Variants in NCAN observed in about 807,000 individuals in gnomAD.
NCAN encodes the protein neurocan.
In NCAN, 47 loss-of-function variants were observed where a neutral mutation model predicts 121.8. The observed-to-expected ratio is 0.39, with a 90% CI of 0.31 to 0.49. NCAN has a LOEUF of 0.49. Among genes scored for constraint, NCAN ranks in the 20% least tolerant of loss-of-function variants. The probability of loss-of-function intolerance (pLI) is 0.92; values close to 1 mark genes in which losing one functional copy is unlikely to be tolerated. For synonymous variants in NCAN, 633 were observed against 702.0 expected (o/e 0.90, Z 1.55); for missense variants, 1,517 against 1,773.4 (o/e 0.86, Z 2.60).
At chr19:19,228,797 G>A (rs539240791) in intron 8 of NCAN, among the ~76,000 whole-genome samples, 158 bp downstream of exon 8, 38 of 152,334 alleles carry the variant, frequency 2.5e-4, no homozygotes, top group African/African-American at 8.4e-4. Context: ...ATCAGGTGGA[G>A]TTGAATTTCA....
rs184358567 is a variant in NCAN at position 19,214,226 on chromosome 19, A to T, written c.-8+2162A>T. Among the ~76,000 whole-genome samples the T allele has an allele frequency of 2.0e-5, 3 of 151,188 alleles. No homozygotes were observed. The South Asian group carries it at 6.3e-4, about 31-fold the overall frequency. ...CACTTACACACACACACTCACACACACTCTCTCACACACACACATTCACAT... is the reference window on the plus strand; with the variant it reads ...CACTTACACACACACACTCACACACTCTCTCTCACACACACACATTCACAT... On this transcript the variant is annotated intron_variant, in intron 1 of 14. Transcript: ENST00000252575.
Position 19,225,064 on chromosome 19 carries a change from C to T in NCAN, c.866C>T (p.Ser289Leu). Residue 289 changes from serine to leucine, a missense_variant, in exon 6 of 15, where the codon TCG becomes TTG. Coordinates refer to ENST00000252575, the MANE Select transcript of NCAN (RefSeq NM_004386.3). The surrounding 1 kb of genome is among the most constrained non-coding windows in gnomAD (Gnocchi z 4.0). ...CGCCGCCAGGGTGCCGCGCTGGCCT[C>T]GGTGGGACAGCTGCACCTGGCCTGG... ...QCRRQGAALA[S>L]VGQLHLAWHE... The T allele has an allele frequency of 1.3e-6, 2 of 1,522,640 alleles. No homozygotes were observed. The highest frequency in any genetic ancestry group is 8.7e-7 in the Non-Finnish European group (1 of 1,143,108). 94.3% of individuals were successfully genotyped at this position (1,522,640 alleles called of 1,614,324 possible).
chr19:19,249,548 G>A (rs2060938854), intron 14 of NCAN, among the ~76,000 whole-genome samples: 1 of 151,820 alleles, frequency 6.6e-6, no homozygotes, highest in African/African-American at 2.4e-5. Flanking sequence ...TTTTATTTTT[G>A]TAGAGATAGG....
At chr19:19,213,502 A>C (rs891885727) in intron 1 of NCAN, among the ~76,000 whole-genome samples, 1 of 26,936 alleles carries the variant, frequency 3.7e-5, no homozygotes. Context: ...CAAGGGGTTT[A>C]TGTGGGGGGG....
intron 8 of NCAN, among the ~76,000 whole-genome samples, chr19:19,229,448 T>G (rs563828006): frequency 6.6e-6 from 1 of 152,078 alleles, no homozygotes; most frequent in African/African-American, 2.4e-5. Context: ...GAATGGGAGC[T>G]GGAATTCGGT....
In NCAN at chr19:19,226,807, GT is replaced by G; in HGVS notation, c.1396del (p.Ser466HisfsTer21). 6.2e-7 allele frequency: 1 copy of G among 1,613,350 alleles called. No individual in the cohort carries two copies. Among genetic ancestry groups the G allele is most frequent in the Non-Finnish European group, 8.5e-7 (1 of 1,179,976 alleles). On this transcript the variant is annotated frameshift_variant, in exon 7 of 15. Transcript: ENST00000252575. LOFTEE classifies it high-confidence loss of function. ...GACATGGGGGCAGGCACTGCAGCAA[GT>G]TCACACACGGAGGTGGCCCCAACTG... ...PSDMGAGTAA[S>X]SHTEVAPTDP...
intron 12 of NCAN, 128 bp from the exon 13 acceptor site, chr19:19,245,185 T>A (rs1275750038): frequency 2.6e-6 from 3 of 1,171,740 alleles, no homozygotes; most frequent in Admixed American, 5.0e-5. Context: ...GTGGCCATTG[T>A]AGAGATGGGA....
At chr19:19,233,927 T>TC in intron 9 of NCAN, 22 bp downstream of exon 9, 2 of 1,454,702 alleles carry the variant, frequency 1.4e-6, no homozygotes, top group East Asian at 2.3e-5. Flanking sequence ...AGACTCAGGA[T>TC]CTGAATCTGA....
chr19:19,235,608 C>T (rs1472188764), intron 10 of NCAN, among the ~76,000 whole-genome samples: 36 of 149,492 alleles, frequency 2.4e-4, no homozygotes, highest in African/African-American at 5.9e-4. Context: ...GACAGAGTCT[C>T]GCTCTGTCAC....
In NCAN at chr19:19,227,694, G is replaced by A; in HGVS notation, c.2074G>A (p.Glu692Lys). 2 of 1,614,036 alleles carry A rather than the reference G, an allele frequency of 1.2e-6. No individual in the cohort carries two copies. The highest frequency in any genetic ancestry group is 1.7e-6 in the Non-Finnish European group (2 of 1,180,036). Reference sequence around the variant, plus strand: ...TTTGACCCCAACAGGACAGGGTGGAGAGGCCATGCCCACAACACCTGAGTC... The same window carrying A: ...TTTGACCCCAACAGGACAGGGTGGAAAGGCCATGCCCACAACACCTGAGTC... The part of the protein sequence containing the change: ...LSLTPTGQGG[E>K]AMPTTPESPR... The change falls in exon 8 of 15, where the codon GAG (glutamate) becomes AAG (lysine). Residue 692 changes from glutamate (E) to lysine (K), a missense_variant. By Grantham distance (56) the Glu-to-Lys change is moderately conservative (BLOSUM62 1). Transcript: ENST00000252575. This position sits in a 1 kb window ranked among gnomAD's most constrained non-coding sequence, Gnocchi z 4.2.
intron 12 of NCAN, among the ~76,000 whole-genome samples, chr19:19,244,443 G>A (rs2060916694): frequency 6.6e-6 from 1 of 150,572 alleles, no homozygotes; most frequent in Non-Finnish European, 1.5e-5. Flanking sequence ...GAGTATCTTG[G>A]GACTACAGGC....
chr19:19,227,808 G>A lies in NCAN; in HGVS notation c.2188G>A (p.Val730Ile), dbSNP rs2060843413. Residue 730 changes from valine to isoleucine, a missense_variant, in exon 8 of 15, where the codon GTA (valine) becomes ATA (isoleucine). Physicochemically the swap from Val to Ile is conservative, Grantham distance 29. Coordinates refer to ENST00000252575, the MANE Select transcript of NCAN (RefSeq NM_004386.3). The surrounding 1 kb of genome is among the most constrained non-coding windows in gnomAD (Gnocchi z 4.2). ...EHSSSSPWPSVNRNVAVGFVP... is the reference protein window; with the variant it reads ...EHSSSSPWPSINRNVAVGFVP... Reference sequence around the variant, plus strand: ...CTCCAGCTCCAGCCCATGGCCTTCTGTAAACAGGAATGTGGCTGTAGGTTT... The same window carrying A: ...CTCCAGCTCCAGCCCATGGCCTTCTATAAACAGGAATGTGGCTGTAGGTTT... 6.2e-7 allele frequency: 1 copy of A among 1,613,682 alleles called. No homozygotes were observed. Among genetic ancestry groups the A allele is most frequent in the Non-Finnish European group, 8.5e-7 (1 of 1,180,028 alleles).
chr19:19,234,305 T>C (rs1253961878), intron 9 of NCAN, among the ~76,000 whole-genome samples: 2 of 152,220 alleles, frequency 1.3e-5, no homozygotes, highest in Non-Finnish European at 2.9e-5. Context: ...ATTATGAAAT[T>C]ACAACAACAA....
At chr19:19,220,618 T>C (rs1461807409) in intron 3 of NCAN, among the ~76,000 whole-genome samples, 3 of 151,952 alleles carry the variant, frequency 2.0e-5, no homozygotes, top group Non-Finnish European at 2.9e-5. Flanking sequence ...CCACAGCGCC[T>C]GGCTAATTTT....
chr19:19,214,523 CTT>C lies in NCAN; in HGVS notation c.-7-2422_-7-2421del, dbSNP rs573560400. 7.2e-4 allele frequency among the ~76,000 whole-genome samples: 110 copies of C among 152,138 alleles called. No individual in the cohort carries two copies. The South Asian group carries it at 7.7e-3, about 11-fold the overall frequency. On this transcript the variant is annotated intron_variant, in intron 1 of 14. Coordinates refer to ENST00000252575, the MANE Select transcript of NCAN (RefSeq NM_004386.3). ...GTATATTTTTAGCGTATACATGAGGCTTTGTGTCTAAAGAGCTGTTTTTAAAT... is the reference window on the plus strand; with the variant it reads ...GTATATTTTTAGCGTATACATGAGGCTGTGTCTAAAGAGCTGTTTTTAAAT...
chr19:19,230,264 C>T (rs905111821), intron 8 of NCAN, among the ~76,000 whole-genome samples: 7 of 151,930 alleles, frequency 4.6e-5, no homozygotes, highest in Admixed American at 6.6e-5. Context: ...AGGCTGGTCC[C>T]GAACTCCTGA....
intron 9 of NCAN, among the ~76,000 whole-genome samples, chr19:19,234,222 G>A (rs769873519): frequency 1.4e-4 from 22 of 152,246 alleles, no homozygotes; most frequent in South Asian, 4.1e-4. Context: ...TTCCTGGGTC[G>A]GTGGGAGGTA....
At chr19:19,235,812 C>A (rs1025162125) in intron 10 of NCAN, among the ~76,000 whole-genome samples, 2 of 152,122 alleles carry the variant, frequency 1.3e-5, no homozygotes, top group Non-Finnish European at 2.9e-5. Context: ...GTGGTGCGAT[C>A]TTGGCTCATT....
chr19:19,212,791 C>T lies in NCAN; in HGVS notation c.-8+727C>T, dbSNP rs112992400. 0.025 allele frequency among the ~76,000 whole-genome samples: 3,865 copies of T among 152,224 alleles called. 168 individuals carry two copies. The highest frequency in any genetic ancestry group is 0.088 in the African/African-American group (3,635 of 41,526). On this transcript the variant is annotated intron_variant, in intron 1 of 14. Coordinates refer to ENST00000252575, the MANE Select transcript of NCAN (RefSeq NM_004386.3). This position sits in a 1 kb window ranked among gnomAD's most constrained non-coding sequence, Gnocchi z 4.5. The stretch of plus-strand genomic sequence containing the variant: ...TCCCAGGTGAATGTTGGGTGGGGGT[C>T]CCCTAGACCCCCCAGCTATGGATCC...
Sources: gnomAD v4.1 joint callset for allele counts (sites outside exome capture counted in the v4.1 genomes callset) on GRCh38, gnomAD v4.1.1 for gene constraint, Gnocchi (gnomAD v3.1) non-coding constraint, MANE v1.5 for transcripts, NCBI Gene and HGNC (gene_info 2026-07-23, HGNC 2026-07-21) for gene names.